WDR90: variants seen among roughly 807,000 people sequenced by gnomAD.
The protein encoded by WDR90 is WD repeat-containing protein 90.
WDR90 carries 238 observed loss-of-function variants against 195.2 expected under a neutral mutation model. The ratio of observed to expected loss-of-function variants is 1.22; its 90% CI spans 1.10 to 1.36. The LOEUF is 1.36. Ranked by LOEUF, WDR90 falls within the 40% of genes most tolerant of loss-of-function variation. The pLI is 0.00. For synonymous variants in WDR90, 1,265 were observed against 1,052.4 expected, an observed-to-expected ratio of 1.20 and a Z score of -3.91; for missense variants, 2,734 against 2,439.5, an observed-to-expected ratio of 1.12 and a Z score of -2.54.
In WDR90 at chr16:653,810, G is replaced by C; in HGVS notation, c.1437+7G>C. On this transcript the variant is annotated splice_region_variant and intron_variant, in intron 13 of 40. Coordinates refer to ENST00000293879, the MANE Select transcript of WDR90 (RefSeq NM_145294.5). ...GGACCACCACGGGAGGACGGTAACA[G>C]GGCCCTGGCTGCGGGTTGGGGTGGG... 6.2e-7 allele frequency: 1 copy of C among 1,613,076 alleles called. No homozygotes were observed. The highest frequency in any genetic ancestry group is 8.5e-7 in the Non-Finnish European group (1 of 1,179,936).
chr16:654,222 T>C (rs1306408401), intron 13 of WDR90: 1 of 201,598 alleles, frequency 5.0e-6, no homozygotes, highest in African/African-American at 2.3e-5. Flanking sequence ...GAGAGAGCCT[T>C]GTTCTGTCAC....
rs9934288 is a variant in WDR90 at position 666,287 on chromosome 16, C to A, written c.4677C>A (p.Thr1559=). The change falls in exon 37 of 41, where the codon ACC becomes ACA. Residue 1559 remains threonine (T), a synonymous_variant. Transcript: ENST00000293879. ...TGAGCCACCCCTGCACAGGGACAAC[C>A]TTCCGTGTGCTGAGTGACCACCAGG... ...VAVSHPCTGT[T]FRVLSDHQGA... The A allele has an allele frequency of 0.1, 166,149 of 1,612,554 alleles. 10,052 individuals carry two copies. The highest frequency in any genetic ancestry group is 0.29 in the East Asian group (12,978 of 44,864).
At position 666,612 on chromosome 16, in the gene WDR90, C is replaced by T. The variant is rs1040932357; in HGVS notation, c.4884+14C>T. 1.9e-6 allele frequency: 3 copies of T among 1,611,932 alleles called. No individual in the cohort carries two copies. The highest frequency in any genetic ancestry group is 2.5e-6 in the Non-Finnish European group (3 of 1,179,528). ...GCCACCACGGAGGTAAACCATGCTC[C>T]TGGCACTGTGGGTGGGGCCGGTACC... On this transcript the variant is annotated intron_variant, in intron 38 of 40. Transcript: ENST00000293879.
Position 661,054 on chromosome 16 carries a change from T to G in WDR90, c.3395T>G (p.Phe1132Cys), listed in dbSNP as rs757834404. The G allele has an allele frequency of 7.8e-5, 93 of 1,187,148 alleles. 2 individuals are homozygous for G. The highest frequency in any genetic ancestry group is 6.4e-4 in the Middle Eastern group (2 of 3,120). 73.5% of individuals were successfully genotyped at this position (1,187,148 alleles called of 1,614,324 possible). A position where few individuals can be genotyped will look rare whatever the true frequency, so the allele number is the denominator to read the frequency against. The change falls in exon 29 of 41, where the codon TTC (phenylalanine) becomes TGC (cysteine). Residue 1132 changes from phenylalanine to cysteine, a missense_variant. By Grantham distance (205) the Phe-to-Cys change is radical. Transcript: ENST00000293879. Reference protein sequence around the residue: ...ANMVWRPDTGFFAYTCGRLVV... With the variant: ...ANMVWRPDTGCFAYTCGRLVV... ...GCCCCGCCCTCTCTGCGCACAGGCT[T>G]CTTTGCCTACACGTGCGGCCGCCTG...
intron 40 of WDR90, 55 bp downstream of exon 40, chr16:667,044 G>C: frequency 6.6e-7 from 1 of 1,524,194 alleles, no homozygotes; most frequent in Admixed American, 1.9e-5. Context: ...CAAGTGGGCT[G>C]ACTGGTGCCC....
intron 1 of WDR90, 119 bp downstream of exon 1, chr16:649,545 G>A: frequency 8.0e-7 from 1 of 1,246,218 alleles, no homozygotes; most frequent in Non-Finnish European, 1.0e-6. Context: ...TCCCCGCTCA[G>A]GCAGGGTCCC....
chr16:652,429 T>C (rs747964191), intron 9 of WDR90, 38 bp from the exon 10 acceptor site: 1 of 1,563,620 alleles, frequency 6.4e-7, no homozygotes, highest in South Asian at 1.2e-5. Context: ...GGGACCTGGC[T>C]GAGCCTCCCA....
chr16:660,413 AGCCCCACGGGCCTGT>A (rs1481464140), intron 27 of WDR90, 184 bp from the exon 28 acceptor site: 10 of 645,698 alleles, frequency 1.5e-5, no homozygotes, highest in African/African-American at 1.5e-4. Flanking sequence ...CCTTGATGAG[AGCCCCACGGGCCTGT>A]GCCCCTCCTG....
chr16:656,954 G>A, intron 19 of WDR90, 83 bp downstream of exon 19: 2 of 1,560,632 alleles, frequency 1.3e-6, no homozygotes, highest in Non-Finnish European at 1.7e-6. Flanking sequence ...GTGCAGGATG[G>A]CCAGTGCTGG....
At chr16:649,683 C>A in intron 1 of WDR90, 80 bp from the exon 2 acceptor site, 1 of 1,371,162 alleles carries the variant, frequency 7.3e-7, no homozygotes, top group South Asian at 1.5e-5. Flanking sequence ...CCTGCCTGGT[C>A]CCCGAGGCCC....
rs987218902 is a variant in WDR90, at chr16:650,325, G to A, written c.351G>A (p.Gln117=). 48 of 1,612,826 alleles carry A rather than the reference G, an allele frequency of 3.0e-5. No homozygotes were observed. In the Middle Eastern group the frequency reaches 4.9e-4, roughly 17 times the overall value. ...TTAAGTCTACGGCCACGTGGCTCCA[G>A]TTTCCCTTGGTCCTGGAGGCCAGGA... The part of the protein sequence containing the change: ...KEFKSTATWL[Q]FPLVLEARTP... Residue 117 remains glutamine, a synonymous_variant, in exon 4 of 41, where the codon CAG becomes CAA. Transcript: ENST00000293879.
intron 9 of WDR90, 127 bp downstream of exon 9, chr16:652,166 A>G: frequency 8.3e-7 from 1 of 1,199,248 alleles, no homozygotes; most frequent in Non-Finnish European, 1.2e-6. Context: ...CCTCCTGGCA[A>G]GGAGCAGAGC....
chr16:652,210 C>T (rs2037661741), intron 9 of WDR90, 171 bp downstream of exon 9: 2 of 889,154 alleles, frequency 2.2e-6, no homozygotes, highest in Admixed American at 5.2e-5. Flanking sequence ...GAATCTCTGT[C>T]CACAAAGAGT....
intron 26 of WDR90, 90 bp downstream of exon 26, chr16:659,466 C>T: frequency 6.7e-7 from 1 of 1,494,810 alleles, no homozygotes; most frequent in Non-Finnish European, 9.1e-7. Context: ...GCACGTCCAG[C>T]TCTGGGGTGC....
In WDR90 at chr16:658,130, G is replaced by A; in HGVS notation, c.2605-53G>A. The A allele has an allele frequency of 2.6e-6, 4 of 1,567,740 alleles. No homozygotes were observed. In the Admixed American group the frequency reaches 5.2e-5, roughly 20 times the overall value. On this transcript the variant is annotated intron_variant, in intron 21 of 40. Coordinates refer to ENST00000293879, the MANE Select transcript of WDR90 (RefSeq NM_145294.5). ...TCCCTCCCGAGCCTGACCCTGGGTG[G>A]CACCGGCTCTGCCCAGGGGCCCTGA...
In WDR90 at chr16:662,069, C is replaced by G; in HGVS notation, c.4033+10C>G. 1 of 1,598,188 alleles carries G rather than the reference C, an allele frequency of 6.3e-7. No homozygotes were observed. The highest frequency in any genetic ancestry group is 8.5e-7 in the Non-Finnish European group (1 of 1,178,016). On this transcript the variant is annotated intron_variant, in intron 32 of 40. Coordinates refer to ENST00000293879, the MANE Select transcript of WDR90 (RefSeq NM_145294.5). ...GATGACGGTGGCATTGGTGAGTGCC[C>G]CGCAGAAGCCCTGTGGCCCTCAGGA...
chr16:652,494 C>T lies in WDR90; in HGVS notation c.1081C>T (p.Leu361Phe), dbSNP rs758926728. The change falls in exon 10 of 41, where the codon CTC becomes TTC. Residue 361 changes from leucine (L) to phenylalanine (F), a missense_variant. By Grantham distance (22) the Leu-to-Phe change is conservative (BLOSUM62 0). Coordinates refer to ENST00000293879, the MANE Select transcript of WDR90 (RefSeq NM_145294.5). ...CTTCCTCCCAGACCCAGTCCTGAGG[C>T]TCAAGGGCGTCATCGGCTTTGGGGG... is the stretch of plus-strand genomic sequence containing the variant. ...EGFLPDPVLR[L>F]KGVIGFGGHG... 1.2e-6 allele frequency: 2 copies of T among 1,610,574 alleles called. No individual in the cohort carries two copies. The highest frequency in any genetic ancestry group is 3.3e-5 in the Admixed American group (2 of 59,752).
rs757892763 is a variant in WDR90, at chr16:665,818, C to T, written c.4434+17C>T. On this transcript the variant is annotated intron_variant, in intron 35 of 40. Coordinates refer to ENST00000293879, the MANE Select transcript of WDR90 (RefSeq NM_145294.5). ...CTGAACCAGGTGTGTGGGGAGTGCC[C>T]GGGCCGGGGGCGGGATGGGGGCCTG... 19 of 1,469,452 alleles carry T rather than the reference C, an allele frequency of 1.3e-5. No individual in the cohort carries two copies. In the Middle Eastern group the frequency reaches 5.4e-4, roughly 42 times the overall value. The allele number at this position is 1,469,452 out of a possible 1,614,324, so 91.0% of individuals were successfully genotyped here.
Position 659,112 on chromosome 16 carries a change from C to G in WDR90, c.3038C>G (p.Pro1013Arg), listed in dbSNP as rs199834574. 1.2e-6 allele frequency: 2 copies of G among 1,612,122 alleles called. No homozygotes were observed. Among genetic ancestry groups the G allele is most frequent in the African/African-American group, 1.3e-5 (1 of 75,016 alleles). ...ESDQSFPGAP[P>R]ACKTGPGAGP... ...GACCAAAGCTTCCCCGGGGCCCCCC[C>G]AGCCTGCAAGACAGGTGAGTGGCTG... The change falls in exon 25 of 41, where the codon CCA becomes CGA. Residue 1013 changes from proline (P) to arginine (R), a missense_variant. Pro to Arg is a moderately radical substitution (Grantham distance 103). Coordinates refer to ENST00000293879, the MANE Select transcript of WDR90 (RefSeq NM_145294.5).
Sources: gnomAD v4.1 joint callset for allele counts on GRCh38, gnomAD v4.1.1 for gene constraint, MANE v1.5 for transcripts, NCBI Gene and HGNC (gene_info 2026-07-23, HGNC 2026-07-21) for gene names.